COA1: variants seen among roughly 807,000 people sequenced by gnomAD.
COA1 encodes cytochrome c oxidase assembly factor 1 homolog.
Under a neutral mutation model 16.0 loss-of-function variants are expected in COA1, and 13 were observed. The ratio of observed to expected loss-of-function variants is 0.81; its 90% confidence interval spans 0.53 to 1.29. The LOEUF (loss-of-function observed/expected upper bound fraction) is 1.29. COA1 is among the 50% of genes most tolerant of loss of function. The pLI, the probability that COA1 is intolerant of heterozygous loss-of-function variation, is 0.00. For synonymous variants in COA1, 65 were observed against 65.7 expected (o/e 0.99, Z 0.05); for missense variants, 179 against 177.0 (o/e 1.01, Z -0.06).
At chr7:43,646,702 G>A in intron 3 of COA1, 1 of 442,342 alleles carries the variant, frequency 2.3e-6, no homozygotes, top group Non-Finnish European at 4.6e-6. Flanking sequence ...TATTCAGTCT[G>A]AATCATTCCT....
chr7:43,644,789 GGCAGAGAGAC>G (rs1791416286), intron 4 of COA1, among the ~76,000 whole-genome samples: 5 of 104,470 alleles, frequency 4.8e-5, no homozygotes, highest in African/African-American at 2.2e-4. Flanking sequence ...CAGGCAGGCA[GGCAGAGAGAC>G]AGAGAGAGAG....
chr7:43,675,393 GACACAGGAAGGGGAACATC>G (rs941401021), intron 1 of COA1, among the ~76,000 whole-genome samples: 3 of 151,376 alleles, frequency 2.0e-5, no homozygotes, highest in African/African-American at 2.4e-5. Flanking sequence ...AGAACACATG[GACACAGGAAGGGGAACATC>G]ACACAGGAAG....
At chr7:43,713,877 A>G (rs2131853995) in intron 1 of COA1, among the ~76,000 whole-genome samples, 1 of 152,256 alleles carries the variant, frequency 6.6e-6, no homozygotes, top group South Asian at 2.1e-4. Context: ...TGTCTCTACT[A>G]AAAATACAAA....
At chr7:43,620,668 C>T (rs368442950) in intron 6 of COA1, among the ~76,000 whole-genome samples, 1,850 of 119,200 alleles carry the variant, frequency 0.016, 31 homozygotes, top group African/African-American at 0.049. Context: ...AGTGAGACTC[C>T]GTCTCAAAAA....
At chr7:43,634,328 C>CT (rs1393093189), downstream of COA1, among the ~76,000 whole-genome samples, 1 of 152,194 alleles carries the variant, frequency 6.6e-6, no homozygotes, top group African/African-American at 2.4e-5. Context: ...TAGGTCTACT[C>CT]TGACACCACC....
intron 1 of COA1, among the ~76,000 whole-genome samples, chr7:43,678,422 AATG>A (rs1028801497): frequency 1.2e-4 from 18 of 152,220 alleles, no homozygotes; most frequent in African/African-American, 4.3e-4. Flanking sequence ...TTGATTTGGC[AATG>A]ATTACTTGGA....
chr7:43,661,127 T>G (rs1156955920), intron 1 of COA1, among the ~76,000 whole-genome samples: 2 of 152,246 alleles, frequency 1.3e-5, no homozygotes, highest in Non-Finnish European at 2.9e-5. Flanking sequence ...TAATTTTCTT[T>G]CACCTATACT....
At chr7:43,689,752 G>T (rs756601888) in intron 1 of COA1, among the ~76,000 whole-genome samples, 3 of 152,126 alleles carry the variant, frequency 2.0e-5, no homozygotes, top group African/African-American at 7.2e-5. Flanking sequence ...AAGGGACAGG[G>T]GGTTAGAATG....
intron 1 of COA1, among the ~76,000 whole-genome samples, chr7:43,700,260 T>C (rs974636733): frequency 6.7e-6 from 1 of 148,408 alleles, no homozygotes; most frequent in African/African-American, 2.4e-5. Flanking sequence ...CGGTACAAAT[T>C]AATGCTTTTG....
intron 3 of COA1, 93 bp from the exon 4 acceptor site, chr7:43,645,492 G>T: frequency 8.7e-7 from 1 of 1,149,744 alleles, no homozygotes; most frequent in Non-Finnish European, 1.3e-6. Flanking sequence ...GACGTACAGG[G>T]TAGAAACAGA....
At chr7:43,664,834 T>C (rs915042217) in intron 1 of COA1, among the ~76,000 whole-genome samples, 2 of 152,176 alleles carry the variant, frequency 1.3e-5, no homozygotes, top group African/African-American at 4.8e-5. Context: ...TACAAGAATA[T>C]GCTATAAAGC....
intron 1 of COA1, among the ~76,000 whole-genome samples, chr7:43,724,363 GC>G (rs1299567502): frequency 6.6e-6 from 1 of 151,848 alleles, no homozygotes; most frequent in African/African-American, 2.4e-5. Context: ...GACCAGCCTG[GC>G]CAACATAGCA....
At chr7:43,707,804 T>C (rs980665531) in intron 1 of COA1, among the ~76,000 whole-genome samples, 8 of 152,206 alleles carry the variant, frequency 5.3e-5, no homozygotes, top group Admixed American at 3.3e-4. Context: ...TTTGAGCTAG[T>C]ACAAATAGTG....
chr7:43,662,472 C>T (rs2153167768), intron 1 of COA1, among the ~76,000 whole-genome samples: 1 of 152,312 alleles, frequency 6.6e-6, no homozygotes. Context: ...CCTCGTGATC[C>T]ATCCACCTCA....
chr7:43,695,043 T>G (rs1462628260), intron 1 of COA1, among the ~76,000 whole-genome samples: 1 of 152,202 alleles, frequency 6.6e-6, no homozygotes, highest in Non-Finnish European at 1.5e-5. Flanking sequence ...TATATCTAGA[T>G]CTAGACTGAC....
intron 1 of COA1, among the ~76,000 whole-genome samples, chr7:43,653,447 T>A (rs7787248): frequency 2.5e-4 from 38 of 152,080 alleles, no homozygotes; most frequent in Admixed American, 1.3e-4. Flanking sequence ...TAAAAGCATG[T>A]GAGTAAACAT....
At chr7:43,721,220 A>G (rs1392890266) in intron 1 of COA1, among the ~76,000 whole-genome samples, 1 of 152,272 alleles carries the variant, frequency 6.6e-6, no homozygotes, top group Admixed American at 6.5e-5. Context: ...CTGCTTTACT[A>G]GTAACATTAC....
intron 1 of COA1, among the ~76,000 whole-genome samples, chr7:43,651,618 A>C (rs1019456873): frequency 6.6e-6 from 1 of 151,092 alleles, no homozygotes; most frequent in Non-Finnish European, 1.5e-5. Context: ...AGGATCCCAC[A>C]AGGCAAGGGT....
chr7:43,634,091 C>T (rs950657092), intron 6 of COA1, among the ~76,000 whole-genome samples: 5 of 151,970 alleles, frequency 3.3e-5, no homozygotes, highest in African/African-American at 1.2e-4. Context: ...TCATTTATTC[C>T]AAGCATGTTC....
Sources: allele counts gnomAD v4.1 joint callset (sites outside exome capture counted in the v4.1 genomes callset), GRCh38; gene constraint gnomAD v4.1.1; transcripts MANE v1.5; gene names NCBI Gene and HGNC (gene_info 2026-07-23, HGNC 2026-07-21).